Variants in CNNM2 observed in about 807,000 individuals in gnomAD.
The protein encoded by CNNM2 is metal transporter CNNM2.
CNNM2 carries 12 observed loss-of-function variants against 66.9 expected under a neutral mutation model. The ratio of observed to expected loss-of-function variants is 0.18; its 90% CI spans 0.11 to 0.29. The LOEUF is 0.29. Ranked by LOEUF, CNNM2 falls within the 10% of genes least tolerant of loss-of-function variation. The probability of loss-of-function intolerance (pLI) is 1.00; values close to 1 mark genes in which losing one functional copy is unlikely to be tolerated. For missense variants in CNNM2, 705 were observed against 1,167.7 expected (o/e 0.60, Z 5.77); for synonymous variants, 557 against 501.8 (o/e 1.11, Z -1.47).
At chr10:103,070,457 T>C (rs1047978066) in intron 5 of CNNM2, among the ~76,000 whole-genome samples, 1 of 152,176 alleles carries the variant, frequency 6.6e-6, no homozygotes, top group Non-Finnish European at 1.5e-5. Context: ...GTGAGTATAG[T>C]AGAAAGGTGC....
chr10:103,029,930 T>A (rs1392934757), intron 1 of CNNM2, among the ~76,000 whole-genome samples: 1 of 151,570 alleles, frequency 6.6e-6, no homozygotes, highest in Non-Finnish European at 1.5e-5. Context: ...ATAAGTGCCC[T>A]AATGGAGCCA....
intron 1 of CNNM2, among the ~76,000 whole-genome samples, chr10:102,943,231 A>G (rs1202870914): frequency 6.6e-6 from 1 of 152,026 alleles, no homozygotes; most frequent in African/African-American, 2.4e-5. Flanking sequence ...TCTCAAAAAA[A>G]CAAACAAAAA....
intron 1 of CNNM2, among the ~76,000 whole-genome samples, chr10:102,963,834 G>A (rs1305324931): frequency 6.6e-6 from 1 of 152,202 alleles, no homozygotes; most frequent in East Asian, 1.9e-4. Context: ...CAAACTTGAG[G>A]TGATAAGTGC....
Position 103,084,816 on chromosome 10 carries a change from T to G in CNNM2, c.*7636T>G, listed in dbSNP as rs1481162399. ...TGATCAGAGGGTCTTGTAGAGAAAG[T>G]GGTTAAAAACTGACCTTTTTATAGC... On this transcript the variant is annotated 3_prime_UTR_variant, in exon 8 of 8. Coordinates refer to ENST00000369878, the MANE Select transcript of CNNM2 (RefSeq NM_017649.5). 1 of 152,198 alleles carries G rather than the reference T, an allele frequency of 6.6e-6. No homozygotes were observed. Among genetic ancestry groups the G allele is most frequent in the Non-Finnish European group, 1.5e-5 (1 of 68,036 alleles). The allele number at this position is 152,198 out of a possible 1,614,324, so 9.4% of individuals were successfully genotyped here.
intron 1 of CNNM2, among the ~76,000 whole-genome samples, chr10:103,025,827 C>G (rs1444731173): frequency 6.6e-6 from 1 of 152,168 alleles, no homozygotes; most frequent in Non-Finnish European, 1.5e-5. Flanking sequence ...GTTTAACAGC[C>G]TGCTTTTACT....
At chr10:103,021,668 CAG>C (rs376895177) in intron 1 of CNNM2, among the ~76,000 whole-genome samples, 124 of 152,278 alleles carry the variant, frequency 8.1e-4, no homozygotes, top group African/African-American at 2.4e-3. Context: ...CTGTAGGAAA[CAG>C]AGTCCTGCCG....
At chr10:103,072,313 C>T (rs568626511) in intron 6 of CNNM2, among the ~76,000 whole-genome samples, 192 of 152,328 alleles carry the variant, frequency 1.3e-3, no homozygotes, top group South Asian at 0.011. Context: ...AAGAAAAATA[C>T]CCCATCCACA....
chr10:102,923,222 C>T (rs1226285760), intron 1 of CNNM2, among the ~76,000 whole-genome samples: 1 of 151,868 alleles, frequency 6.6e-6, no homozygotes, highest in Non-Finnish European at 1.5e-5. Context: ...CCAGGAAACT[C>T]TTGGCTTTAT....
rs2065778974 is a variant in CNNM2, at chr10:103,083,828, G to C, written c.*6648G>C. 1 of 152,218 alleles carries C rather than the reference G, an allele frequency of 6.6e-6. No homozygotes were observed. Among genetic ancestry groups the C allele is most frequent in the Admixed American group, 6.5e-5 (1 of 15,284 alleles). The allele number at this position is 152,218 out of a possible 1,614,324, so 9.4% of individuals were successfully genotyped here. A position where few individuals can be genotyped will look rare whatever the true frequency, so the allele number is the denominator to read the frequency against. On this transcript the variant is annotated 3_prime_UTR_variant, in exon 8 of 8. Transcript: ENST00000369878. The stretch of plus-strand genomic sequence containing the variant: ...CATTCAGGCCTCTCAATTGGCTCTT[G>C]AAAACAAGGATGGCTTTATAGGTCC...
chr10:103,013,686 C>T (rs1020344539), intron 1 of CNNM2, among the ~76,000 whole-genome samples: 2 of 152,228 alleles, frequency 1.3e-5, no homozygotes, highest in African/African-American at 4.8e-5. Context: ...ATCTGGAGTA[C>T]TGGTAATGAA....
chr10:102,980,227 G>C (rs2063699274), intron 1 of CNNM2, among the ~76,000 whole-genome samples: 3 of 152,092 alleles, frequency 2.0e-5, no homozygotes, highest in African/African-American at 2.4e-5. Context: ...ACAGGTGTGA[G>C]CCACTGCGTC....
chr10:102,920,592 A>G (rs1336211761), intron 1 of CNNM2, among the ~76,000 whole-genome samples: 1 of 152,100 alleles, frequency 6.6e-6, no homozygotes, highest in Non-Finnish European at 1.5e-5. Flanking sequence ...TGGCCTTTCA[A>G]AGATCGAAGT....
In CNNM2 at chr10:102,993,203, G is replaced by A. The variant is rs10509757; in HGVS notation, c.1622-56504G>A. ...ACCATCATTATGTTTACTTATGTGC[G>A]TTGAGAAACTTATGTGATATAAGGT... On this transcript the variant is annotated intron_variant, in intron 1 of 7. Coordinates refer to ENST00000369878, the MANE Select transcript of CNNM2 (RefSeq NM_017649.5). Among the ~76,000 whole-genome samples, 61,319 of 151,958 alleles carry A rather than the reference G, an allele frequency of 0.4. 12,560 individuals carry two copies. Among genetic ancestry groups the A allele is most frequent in the East Asian group, 0.49 (2,503 of 5,160 alleles).
rs7073179 is a variant in CNNM2 at position 102,963,334 on chromosome 10, T to C, written c.1621+43233T>C. Among the ~76,000 whole-genome samples, 28,599 of 152,168 alleles carry C rather than the reference T, an allele frequency of 0.19. 2,876 individuals are homozygous for C. The highest frequency in any genetic ancestry group is 0.22 in the Non-Finnish European group (15,049 of 67,988). On this transcript the variant is annotated intron_variant, in intron 1 of 7. Transcript: ENST00000369878. Reference sequence around the variant, plus strand: ...GGCCTAACTGGAACGCACAGTCACATTAAGTGATGCCTTGCCCTTTGACTG... The same window carrying C: ...GGCCTAACTGGAACGCACAGTCACACTAAGTGATGCCTTGCCCTTTGACTG...
chr10:102,923,704 T>A (rs1845743079), intron 1 of CNNM2, among the ~76,000 whole-genome samples: 1 of 152,164 alleles, frequency 6.6e-6, no homozygotes, highest in African/African-American at 2.4e-5. Flanking sequence ...TTAAAACAGT[T>A]TTTTGGCCTG....
intron 1 of CNNM2, among the ~76,000 whole-genome samples, chr10:102,943,861 A>G (rs1846514493): frequency 6.6e-6 from 1 of 152,190 alleles, no homozygotes; most frequent in Non-Finnish European, 1.5e-5. Context: ...CTCATCCTAA[A>G]GAGTACTTAG....
chr10:102,988,475 CTA>C (rs1296062068), intron 1 of CNNM2, among the ~76,000 whole-genome samples: 1 of 152,120 alleles, frequency 6.6e-6, no homozygotes, highest in Non-Finnish European at 1.5e-5. Context: ...CAAAGAAATT[CTA>C]TAGGTCTGGG....
chr10:103,010,708 G>A (rs963304400), intron 1 of CNNM2, among the ~76,000 whole-genome samples: 5 of 152,070 alleles, frequency 3.3e-5, no homozygotes, highest in Non-Finnish European at 7.4e-5. Flanking sequence ...TGCCTCCTGG[G>A]TTCAAGCGAT....
rs1179356603 is a variant in CNNM2, at chr10:103,081,664, T to G, written c.*4484T>G. On this transcript the variant is annotated 3_prime_UTR_variant, in exon 8 of 8. Transcript: ENST00000369878. ...TGCACCAATAGCTTGCTGCTGTTAC[T>G]TAGCAAGGCTGTGACAAGTAGGCCT... 1 of 152,240 alleles carries G rather than the reference T, an allele frequency of 6.6e-6. No homozygotes were observed. Among genetic ancestry groups the G allele is most frequent in the Non-Finnish European group, 1.5e-5 (1 of 68,052 alleles). 9.4% of individuals were successfully genotyped at this position (152,240 alleles called of 1,614,324 possible).
Sources: gnomAD v4.1 joint callset for allele counts (sites outside exome capture counted in the v4.1 genomes callset) on GRCh38, gnomAD v4.1.1 for gene constraint, MANE v1.5 for transcripts, NCBI Gene and HGNC (gene_info 2026-07-23, HGNC 2026-07-21) for gene names.